The following ARHGAP20 variants were observed in gnomAD, a reference collection of about 807,000 sequenced individuals.
ARHGAP20 encodes Rho GTPase activating protein 20.
In ARHGAP20, 34 loss-of-function variants were observed where a neutral mutation model predicts 73.7. The ratio of observed to expected loss-of-function variants is 0.46; its 90% CI spans 0.35 to 0.61. ARHGAP20 has a LOEUF of 0.61. ARHGAP20 is among the 20% of genes least tolerant of loss of function. ARHGAP20 has a pLI of 0.00. For missense variants in ARHGAP20, 1,314 were observed against 1,420.9 expected, an observed-to-expected ratio of 0.92 and a Z score of 1.21; for synonymous variants, 523 against 518.2, an observed-to-expected ratio of 1.01 and a Z score of -0.13.
At chr11:110,583,174 T>C (rs1947519939) in intron 13 of ARHGAP20, among the ~76,000 whole-genome samples, 2 of 152,210 alleles carry the variant, frequency 1.3e-5, no homozygotes, top group Non-Finnish European at 2.9e-5. Context: ...TATTTTTAGA[T>C]GAGGACACTG....
intron 2 of ARHGAP20, among the ~76,000 whole-genome samples, chr11:110,640,100 A>G (rs1031934954): frequency 6.6e-5 from 10 of 151,984 alleles, no homozygotes; most frequent in African/African-American, 1.7e-4. Context: ...TTTGCTTCCC[A>G]CATAAAGTCA....
chr11:110,609,175 C>T (rs1948308652), intron 7 of ARHGAP20, 125 bp from the exon 8 acceptor site: 1 of 751,612 alleles, frequency 1.3e-6, no homozygotes, highest in African/African-American at 1.8e-5. Flanking sequence ...AGTTAGAGAT[C>T]CATGAACTGC....
chr11:110,636,405 G>T (rs546561156), intron 2 of ARHGAP20, among the ~76,000 whole-genome samples: 8 of 152,164 alleles, frequency 5.3e-5, no homozygotes, highest in Middle Eastern at 3.4e-3. Flanking sequence ...GCTTGGGGTT[G>T]GCCTAGGCCA....
chr11:110,669,348 T>A (rs1415838928), intron 2 of ARHGAP20, among the ~76,000 whole-genome samples: 2 of 152,160 alleles, frequency 1.3e-5, no homozygotes, highest in Non-Finnish European at 2.9e-5. Context: ...TTAGAGTGAC[T>A]TGGGAACTGA....
At chr11:110,671,834 T>C (rs1565470128) in intron 2 of ARHGAP20, among the ~76,000 whole-genome samples, 1 of 152,220 alleles carries the variant, frequency 6.6e-6, no homozygotes, top group East Asian at 1.9e-4. Context: ...AGTAGATGTA[T>C]ACATATATAG....
At chr11:110,662,276 A>G (rs889095207) in intron 2 of ARHGAP20, among the ~76,000 whole-genome samples, 1 of 151,928 alleles carries the variant, frequency 6.6e-6, no homozygotes, top group Non-Finnish European at 1.5e-5. Context: ...GTTTTAATAG[A>G]TTCAACTTGA....
At chr11:110,611,520 G>A in intron 6 of ARHGAP20, 134 bp from the exon 7 acceptor site, 1 of 465,000 alleles carries the variant, frequency 2.2e-6, no homozygotes, top group Admixed American at 4.3e-5. Context: ...ATAAGATTTA[G>A]GTAGAACACA....
rs529859393 is a variant in ARHGAP20 at position 110,621,101 on chromosome 11, C to T, written c.503+3061G>A. Among the ~76,000 whole-genome samples, 31 of 140,786 alleles carry T rather than the reference C, an allele frequency of 2.2e-4. No individual in the cohort carries two copies. In the South Asian group the frequency reaches 3.0e-3, roughly 14 times the overall value. The allele number at this position is 140,786 out of a possible 152,430, so 92.4% of individuals were successfully genotyped here. A position where few individuals can be genotyped will look rare whatever the true frequency, so the allele number is the denominator to read the frequency against. On this transcript the variant is annotated intron_variant, in intron 4 of 14. Transcript: ENST00000683387. Reference sequence around the variant, plus strand: ...AAAAAAAAAAAAAAAAAAAAAAGCTCCACTGTCTTCTAACCTCCATAGTTT... The same window carrying T: ...AAAAAAAAAAAAAAAAAAAAAAGCTTCACTGTCTTCTAACCTCCATAGTTT...
intron 2 of ARHGAP20, among the ~76,000 whole-genome samples, chr11:110,656,431 T>C (rs555028519): frequency 7.2e-4 from 109 of 152,238 alleles, no homozygotes; most frequent in African/African-American, 2.5e-3. Flanking sequence ...CGCTTTGTAT[T>C]GGTGCAGAAT....
At chr11:110,660,187 C>A (rs545493688) in intron 2 of ARHGAP20, among the ~76,000 whole-genome samples, 1 of 152,076 alleles carries the variant, frequency 6.6e-6, no homozygotes, top group African/African-American at 2.4e-5. Flanking sequence ...ATTTTTGACT[C>A]ATTATGGGGC....
chr11:110,611,027 T>C, intron 7 of ARHGAP20, among the ~76,000 whole-genome samples: 2 of 152,194 alleles, frequency 1.3e-5, no homozygotes, highest in South Asian at 4.1e-4. Context: ...AAAATTTTTG[T>C]ATATATATAC....
chr11:110,630,571 CTT>C, intron 3 of ARHGAP20, 55 bp downstream of exon 3: 1 of 1,523,376 alleles, frequency 6.6e-7, no homozygotes, highest in Non-Finnish European at 9.0e-7. Context: ...GAAAGGGTAT[CTT>C]TGTTAGTAAA....
chr11:110,577,809 G>GAAAT lies in ARHGAP20; in HGVS notation c.*1557_*1560dup. ...GTAGGTAGCACCTATAGCTAATACT[G>GAAAT]AAATAACTTCTTCTATCTTAGAGAA... is the stretch of plus-strand genomic sequence containing the variant. On this transcript the variant is annotated 3_prime_UTR_variant, in exon 15 of 15. Coordinates refer to ENST00000683387, the MANE Select transcript of ARHGAP20 (RefSeq NM_001384657.1). The GAAAT allele has an allele frequency of 8.1e-6, 8 of 985,732 alleles. No individual in the cohort carries two copies. The highest frequency in any genetic ancestry group is 7.2e-6 in the Non-Finnish European group (6 of 829,840). 61.1% of individuals were successfully genotyped at this position (985,732 alleles called of 1,614,324 possible).
chr11:110,635,840 T>C (rs1317319415), intron 2 of ARHGAP20, among the ~76,000 whole-genome samples: 1 of 151,944 alleles, frequency 6.6e-6, no homozygotes, highest in Non-Finnish European at 1.5e-5. Context: ...GAAGAAGGTA[T>C]AATAGAATCT....
chr11:110,711,316 G>C (rs1319784929), intron 1 of ARHGAP20, among the ~76,000 whole-genome samples: 2 of 150,142 alleles, frequency 1.3e-5, no homozygotes, highest in Admixed American at 6.7e-5. Flanking sequence ...ACCGACACCC[G>C]GATCCCTATC....
chr11:110,645,255 C>G (rs1417442974), intron 2 of ARHGAP20, among the ~76,000 whole-genome samples: 1 of 152,060 alleles, frequency 6.6e-6, no homozygotes, highest in Non-Finnish European at 1.5e-5. Context: ...GTCATCTGCC[C>G]GCCTCAGCCT....
intron 2 of ARHGAP20, among the ~76,000 whole-genome samples, chr11:110,671,078 T>C (rs552732744): frequency 1.1e-4 from 16 of 152,152 alleles, no homozygotes; most frequent in East Asian, 5.8e-4. Context: ...TACTGTAACA[T>C]TGTAAGATGC....
intron 6 of ARHGAP20, among the ~76,000 whole-genome samples, chr11:110,614,236 A>G (rs914151510): frequency 1.6e-4 from 25 of 152,236 alleles, no homozygotes; most frequent in African/African-American, 5.8e-4. Flanking sequence ...TGCAGCTGCT[A>G]TTGAAAGGAT....
rs767365679 is a variant in ARHGAP20 at position 110,593,613 on chromosome 11, G to A, written c.965-1458C>T. Among the ~76,000 whole-genome samples the A allele has an allele frequency of 3.8e-4, 58 of 152,342 alleles. 1 individual carries two copies. The highest frequency in any genetic ancestry group is 5.6e-4 in the Non-Finnish European group (38 of 68,036). On this transcript the variant is annotated intron_variant, in intron 9 of 14. Transcript: ENST00000683387. ...CGGGTAATGGGGGTGACTAAAAGTT[G>A]AGAAGAAACCTACTCTTACTGGCTT... is the stretch of plus-strand genomic sequence containing the variant.
Sources: allele counts gnomAD v4.1 joint callset (sites outside exome capture counted in the v4.1 genomes callset), GRCh38; gene constraint gnomAD v4.1.1; transcripts MANE v1.5; gene names NCBI Gene and HGNC (gene_info 2026-07-23, HGNC 2026-07-21).